The following MEGF11 variants were observed in gnomAD, a reference collection of about 807,000 sequenced individuals.
MEGF11 encodes the protein multiple epidermal growth factor-like domains protein 11.
MEGF11 carries 126 observed loss-of-function variants against 146.6 expected under a neutral mutation model. The ratio of observed to expected loss-of-function variants is 0.86; its 90% confidence interval spans 0.74 to 1.00. The LOEUF (loss-of-function observed/expected upper bound fraction) is 1.00, where lower values mean the gene tolerates loss of function less well. Among genes scored for constraint, MEGF11 ranks in the 50% least tolerant of loss-of-function variants. MEGF11 has a pLI of 0.00. For synonymous variants in MEGF11, 532 were observed against 583.4 expected (o/e 0.91, Z 1.27); for missense variants, 1,509 against 1,521.2 (o/e 0.99, Z 0.13).
intron 10 of MEGF11, among the ~76,000 whole-genome samples, chr15:65,956,042 T>G (rs2080621866): frequency 6.6e-6 from 1 of 151,980 alleles, no homozygotes; most frequent in Non-Finnish European, 1.5e-5. Context: ...CCTCGCTTGA[T>G]CTACAAGAAT....
chr15:66,097,752 C>CAAA lies in MEGF11; in HGVS notation c.302-3261_302-3259dup, dbSNP rs59635353. Among the ~76,000 whole-genome samples, 1,031 of 138,950 alleles carry CAAA rather than the reference C, an allele frequency of 7.4e-3. 16 individuals are homozygous for CAAA. Among genetic ancestry groups the CAAA allele is most frequent in the East Asian group, 0.036 (165 of 4,584 alleles). The allele number at this position is 138,950 out of a possible 152,430, so 91.2% of individuals were successfully genotyped here. ...AGCGAGACTCCATCTCAAAAAACTA[C>CAAA]AAAAAAAAAAAAAAAAATGCCATCT... On this transcript the variant is annotated intron_variant, in intron 4 of 25. Coordinates refer to ENST00000395614, the MANE Select transcript of MEGF11 (RefSeq NM_001385028.1).
intron 6 of MEGF11, among the ~76,000 whole-genome samples, chr15:65,981,462 C>T (rs923182249): frequency 6.6e-5 from 10 of 152,140 alleles, no homozygotes; most frequent in African/African-American, 2.4e-4. Flanking sequence ...CTTGGGCCTT[C>T]ATCCAATGGC....
Position 65,982,250 on chromosome 15 carries a change from G to A in MEGF11, c.633C>T (p.Thr211=). Residue 211 remains threonine, a synonymous_variant, in exon 6 of 26, where the codon ACC becomes ACT. Transcript: ENST00000395614. This position sits in a 1 kb window ranked among gnomAD's most constrained non-coding sequence, Gnocchi z 5.6. ...CCTGCCGCATGACTCACTAGACGCC[G>A]GTGTAGCCAGGTGCGCAGAGGCACT... is the stretch of plus-strand genomic sequence containing the variant. ...AGECLCAPGY[T]GVYCEELCPP... is the part of the protein sequence containing the mutation. 3 of 1,364,718 alleles carry A rather than the reference G, an allele frequency of 2.2e-6. No individual in the cohort carries two copies. Among genetic ancestry groups the A allele is most frequent in the Non-Finnish European group, 2.9e-6 (3 of 1,033,254 alleles). The allele number at this position is 1,364,718 out of a possible 1,614,324, so 84.5% of individuals were successfully genotyped here.
At chr15:65,967,195 T>C (rs1011594299) in intron 8 of MEGF11, 8 of 152,216 alleles carry the variant, frequency 5.3e-5, no homozygotes, top group East Asian at 3.8e-4. Flanking sequence ...CAGACCATAA[T>C]TGGGGCTCAA....
chr15:65,909,261 CTG>C (rs1351233095), intron 22 of MEGF11, 126 bp from the exon 23 acceptor site: 5 of 702,748 alleles, frequency 7.1e-6, no homozygotes, highest in African/African-American at 5.3e-5. Flanking sequence ...TTGGGGGCCT[CTG>C]TGTATAGCAT....
intron 10 of MEGF11, among the ~76,000 whole-genome samples, chr15:65,934,655 C>T (rs965798844): frequency 2.0e-5 from 3 of 152,182 alleles, no homozygotes; most frequent in African/African-American, 7.2e-5. Context: ...CTTACAGCCC[C>T]ACCCGCTGAA....
At chr15:65,930,354 C>T (rs2079531084) in intron 11 of MEGF11, among the ~76,000 whole-genome samples, 1 of 152,076 alleles carries the variant, frequency 6.6e-6, no homozygotes, top group Non-Finnish European at 1.5e-5. Context: ...GCCAGGCTGC[C>T]TGCAGGAGAC....
chr15:66,246,592 C>A (rs972285841), intron 1 of MEGF11, among the ~76,000 whole-genome samples: 4 of 151,784 alleles, frequency 2.6e-5, no homozygotes, highest in Non-Finnish European at 5.9e-5. Context: ...TGCTTGAGCC[C>A]AGGAGTTCAG....
At chr15:66,200,241 T>C (rs534187879) in intron 1 of MEGF11, among the ~76,000 whole-genome samples, 17 of 152,408 alleles carry the variant, frequency 1.1e-4, no homozygotes, top group African/African-American at 3.4e-4. Context: ...CAGCTGATTT[T>C]GGTTTTCTAC....
intron 5 of MEGF11, among the ~76,000 whole-genome samples, chr15:66,090,250 G>C (rs2086269283): frequency 6.6e-6 from 1 of 152,176 alleles, no homozygotes; most frequent in Admixed American, 6.5e-5. Context: ...TAGGGGCAGG[G>C]AGTTGGATGA....
intron 4 of MEGF11, among the ~76,000 whole-genome samples, chr15:66,103,592 G>A (rs2086924842): frequency 6.6e-6 from 1 of 152,102 alleles, no homozygotes; most frequent in African/African-American, 2.4e-5. Context: ...GAGAGGAGAA[G>A]GCAAAGGAGG....
chr15:66,244,887 A>T (rs147802865), intron 1 of MEGF11, among the ~76,000 whole-genome samples: 10 of 152,312 alleles, frequency 6.6e-5, no homozygotes, highest in African/African-American at 2.4e-4. Context: ...GGGTATAAAG[A>T]CAGATACACC....
intron 10 of MEGF11, among the ~76,000 whole-genome samples, chr15:65,955,442 T>A (rs2080550941): frequency 6.6e-6 from 1 of 150,918 alleles, no homozygotes; most frequent in East Asian, 1.9e-4. Flanking sequence ...AATGTGTTTT[T>A]ACTTAAACAA....
At chr15:66,095,667 T>A (rs1000529457) in intron 4 of MEGF11, among the ~76,000 whole-genome samples, 2 of 152,154 alleles carry the variant, frequency 1.3e-5, no homozygotes, top group Non-Finnish European at 2.9e-5. Flanking sequence ...TGCCTTAGCT[T>A]TGCCCAGGCC....
chr15:66,252,803 C>T (rs2140278221), intron 1 of MEGF11, among the ~76,000 whole-genome samples: 1 of 152,372 alleles, frequency 6.6e-6, no homozygotes, highest in South Asian at 2.1e-4. Context: ...CCCATTTCCC[C>T]ACCTCCAACA....
At chr15:66,232,922 T>A (rs1389082676) in intron 1 of MEGF11, among the ~76,000 whole-genome samples, 1 of 152,182 alleles carries the variant, frequency 6.6e-6, no homozygotes, top group Non-Finnish European at 1.5e-5. Flanking sequence ...AATGTCACAC[T>A]ACTAGGTGAG....
At chr15:66,144,621 C>G (rs1444050954) in intron 1 of MEGF11, among the ~76,000 whole-genome samples, 1 of 152,180 alleles carries the variant, frequency 6.6e-6, no homozygotes, top group African/African-American at 2.4e-5. Flanking sequence ...CCACTGACCC[C>G]TCCCCTTAGC....
At chr15:66,215,568 A>G (rs2091562620) in intron 1 of MEGF11, among the ~76,000 whole-genome samples, 1 of 152,202 alleles carries the variant, frequency 6.6e-6, no homozygotes. Flanking sequence ...TACACTCAGG[A>G]TCAAGGTTTT....
chr15:66,031,103 G>C (rs887156456), intron 5 of MEGF11, among the ~76,000 whole-genome samples: 1 of 152,170 alleles, frequency 6.6e-6, no homozygotes, highest in Non-Finnish European at 1.5e-5. Flanking sequence ...CCACCTTTCT[G>C]AAGCATCAGG....
Sources: gnomAD v4.1 joint callset for allele counts (sites outside exome capture counted in the v4.1 genomes callset) on GRCh38, gnomAD v4.1.1 for gene constraint, Gnocchi (gnomAD v3.1) non-coding constraint, MANE v1.5 for transcripts, NCBI Gene and HGNC (gene_info 2026-07-23, HGNC 2026-07-21) for gene names.